The following SLC35F4 variants were observed in gnomAD, a reference collection of about 807,000 sequenced individuals.
SLC35F4 encodes chromosome 14 open reading frame 36.
Under a neutral mutation model 44.2 loss-of-function variants are expected in SLC35F4, and 24 were observed. The observed-to-expected ratio is 0.54, with a 90% CI of 0.39 to 0.76. The LOEUF is 0.76. Among genes scored for constraint, SLC35F4 ranks in the 30% least tolerant of loss-of-function variants. SLC35F4 has a pLI of 0.00. For synonymous variants in SLC35F4, 238 were observed against 223.6 expected, an observed-to-expected ratio of 1.06 and a Z score of -0.57; for missense variants, 562 against 586.1, an observed-to-expected ratio of 0.96 and a Z score of 0.42.
At chr14:57,878,070 T>C (rs1352753966) in intron 1 of SLC35F4, among the ~76,000 whole-genome samples, 1 of 152,082 alleles carries the variant, frequency 6.6e-6, no homozygotes, top group East Asian at 1.9e-4. Flanking sequence ...TAATGATTAG[T>C]GATATTGAGC....
At chr14:57,912,986 T>A (rs1889247205) in intron 1 of SLC35F4, among the ~76,000 whole-genome samples, 1 of 152,090 alleles carries the variant, frequency 6.6e-6, no homozygotes. Flanking sequence ...TATGTCTTTT[T>A]TGAGTATTGA....
At chr14:57,982,989 G>C (rs372527675), upstream of SLC35F4, among the ~76,000 whole-genome samples, 8 of 152,302 alleles carry the variant, frequency 5.3e-5, no homozygotes, top group East Asian at 1.9e-4. Context: ...TCTTGTTTCC[G>C]GCACTGCTGT....
intron 4 of SLC35F4, chr14:57,578,724 G>C (rs2069003352): frequency 6.6e-6 from 1 of 152,116 alleles, no homozygotes; most frequent in South Asian, 2.1e-4. Context: ...CAGGATGCCT[G>C]ACACTAATGC....
chr14:57,884,523 T>C (rs79584860), intron 1 of SLC35F4, among the ~76,000 whole-genome samples: 10,692 of 152,252 alleles, frequency 0.07, 448 homozygotes, highest in Middle Eastern at 0.14. Flanking sequence ...GGGAATAGTT[T>C]ATGAGTTTTG....
chr14:57,856,950 T>C (rs1222396495), intron 1 of SLC35F4, among the ~76,000 whole-genome samples: 1 of 152,046 alleles, frequency 6.6e-6, no homozygotes, highest in African/African-American at 2.4e-5. Context: ...TATGATTCAG[T>C]AACTTTATTC....
chr14:57,593,435 T>A (rs146491781), intron 2 of SLC35F4, among the ~76,000 whole-genome samples: 35 of 152,308 alleles, frequency 2.3e-4, no homozygotes, highest in African/African-American at 7.0e-4. Flanking sequence ...AAGTCTCAAC[T>A]GATCAGAAAA....
At chr14:57,977,372 T>A (rs1016178781) in intron 1 of SLC35F4, among the ~76,000 whole-genome samples, 3 of 152,188 alleles carry the variant, frequency 2.0e-5, no homozygotes, top group African/African-American at 7.2e-5. Flanking sequence ...AAGGATGGTG[T>A]ATCGAGTCTG....
rs140187773 is a variant in SLC35F4 at position 57,778,615 on chromosome 14, C to A, written c.103+87108G>T. On this transcript the variant is annotated intron_variant, in intron 1 of 7. Coordinates refer to ENST00000556826, the MANE Select transcript of SLC35F4 (RefSeq NM_001306087.2). ...TTAATACCTGAACTCGACACTGGACCAAATGGACCTAATAGACATCTACAG... is the reference window on the plus strand; with the variant it reads ...TTAATACCTGAACTCGACACTGGACAAAATGGACCTAATAGACATCTACAG... Among the ~76,000 whole-genome samples, 28 of 152,088 alleles carry A rather than the reference C, an allele frequency of 1.8e-4. 2 individuals are homozygous for A. The highest frequency in any genetic ancestry group is 6.8e-4 in the African/African-American group (28 of 41,476).
chr14:57,564,450 T>C, intron 7 of SLC35F4, 74 bp from the exon 8 acceptor site: 1 of 1,522,552 alleles, frequency 6.6e-7, no homozygotes, highest in South Asian at 1.2e-5. Flanking sequence ...CCAAAGTCCA[T>C]GTTACTTCTA....
At chr14:57,862,656 C>A (rs183877300) in intron 1 of SLC35F4, among the ~76,000 whole-genome samples, 145 of 152,320 alleles carry the variant, frequency 9.5e-4, no homozygotes, top group Non-Finnish European at 1.5e-4. Flanking sequence ...TCTGGATGTC[C>A]ATATGGCTAA....
intron 1 of SLC35F4, among the ~76,000 whole-genome samples, chr14:57,967,660 C>T (rs1880912840): frequency 1.3e-5 from 2 of 152,198 alleles, no homozygotes; most frequent in Admixed American, 1.3e-4. Flanking sequence ...GGCAACTGAT[C>T]TGGGTTTCCA....
chr14:57,589,351 A>T lies in SLC35F4; in HGVS notation c.452T>A (p.Ile151Asn). ...SWVGTTQIVKITYKNFYCPFF... is the reference protein window; with the variant it reads ...SWVGTTQIVKNTYKNFYCPFF... ...TGGGCAATAGAAGTTCTTATAAGTAATTTTTACAATCTGTGTAGTTCCAAC... is the reference window on the plus strand; with the variant it reads ...TGGGCAATAGAAGTTCTTATAAGTATTTTTTACAATCTGTGTAGTTCCAAC... The change falls in exon 3 of 8, where the codon ATT becomes AAT. Residue 151 changes from isoleucine to asparagine, a missense_variant. Ile to Asn is a moderately radical substitution (Grantham distance 149). Transcript: ENST00000556826. The T allele has an allele frequency of 6.2e-7, 1 of 1,613,980 alleles. No homozygotes were observed. The highest frequency in any genetic ancestry group is 8.5e-7 in the Non-Finnish European group (1 of 1,179,886).
intron 1 of SLC35F4, among the ~76,000 whole-genome samples, chr14:57,958,160 C>T (rs1890275502): frequency 6.6e-6 from 1 of 152,074 alleles, no homozygotes; most frequent in South Asian, 2.1e-4. Context: ...CAGGTTCACG[C>T]CGTTCTCCTG....
chr14:57,884,538 A>C (rs897794604), intron 1 of SLC35F4, among the ~76,000 whole-genome samples: 22 of 152,144 alleles, frequency 1.4e-4, no homozygotes, highest in African/African-American at 5.3e-4. Context: ...GTTTTGTTAA[A>C]ATACATAACA....
intron 1 of SLC35F4, among the ~76,000 whole-genome samples, chr14:57,659,852 T>C (rs575508106): frequency 2.0e-5 from 3 of 152,322 alleles, no homozygotes; most frequent in African/African-American, 7.2e-5. Flanking sequence ...TAATCATTTT[T>C]AAAGATTACT....
chr14:57,836,864 G>A (rs1884986308), intron 1 of SLC35F4, among the ~76,000 whole-genome samples: 1 of 151,850 alleles, frequency 6.6e-6, no homozygotes, highest in South Asian at 2.1e-4. Flanking sequence ...TGACTATAAC[G>A]CCATCATCAC....
At chr14:57,568,009 A>G (rs1052647736) in intron 6 of SLC35F4, among the ~76,000 whole-genome samples, 2 of 152,244 alleles carry the variant, frequency 1.3e-5, no homozygotes, top group African/African-American at 2.4e-5. Context: ...TCTGATTTCT[A>G]TGGAGAAGAG....
chr14:57,700,129 G>A (rs4439676), intron 1 of SLC35F4, among the ~76,000 whole-genome samples: 71,775 of 151,970 alleles, frequency 0.47, 17,652 homozygotes, highest in African/African-American at 0.63. Flanking sequence ...TGTCAACATC[G>A]TAGAGTGTAC....
chr14:57,970,232 C>T (rs1243037890), intron 1 of SLC35F4, among the ~76,000 whole-genome samples: 1 of 152,140 alleles, frequency 6.6e-6, no homozygotes, highest in Non-Finnish European at 1.5e-5. Flanking sequence ...TGTCCACCTG[C>T]AAAATGGGAG....
Sources: gnomAD v4.1 joint callset for allele counts (sites outside exome capture counted in the v4.1 genomes callset) on GRCh38, gnomAD v4.1.1 for gene constraint, MANE v1.5 for transcripts, NCBI Gene and HGNC (gene_info 2026-07-23, HGNC 2026-07-21) for gene names.